APAF1: variants seen among roughly 807,000 people sequenced by gnomAD.
APAF1 encodes apoptotic protease-activating factor 1.
Under a neutral mutation model 152.4 loss-of-function variants are expected in APAF1, and 91 were observed. That is an observed-to-expected ratio of 0.60 (90% CI 0.50 to 0.71). The LOEUF (loss-of-function observed/expected upper bound fraction) is 0.71. APAF1 is among the 30% of genes least tolerant of loss of function. The pLI, the probability that APAF1 is intolerant of heterozygous loss-of-function variation, is 0.00. For missense variants in APAF1, 1,283 were observed against 1,472.0 expected, an observed-to-expected ratio of 0.87 and a Z score of 2.10; for synonymous variants, 484 against 494.1, an observed-to-expected ratio of 0.98 and a Z score of 0.27.
At position 98,723,332 on chromosome 12, in the gene APAF1, T is replaced by G. The variant is rs1385473000; in HGVS notation, c.3204+20T>G. ...GTGAAGGTAATTTAAAGTATAAATTTGTTTTTTGAAAAAGTATTCTCATAT... is the reference window on the plus strand; with the variant it reads ...GTGAAGGTAATTTAAAGTATAAATTGGTTTTTTGAAAAAGTATTCTCATAT... On this transcript the variant is annotated intron_variant, in intron 23 of 26. Transcript: ENST00000551964. The G allele has an allele frequency of 6.2e-7, 1 of 1,611,138 alleles. No individual in the cohort carries two copies.
rs1014850855 is a variant in APAF1 at position 98,665,617 on chromosome 12, C to T, written c.1020C>T (p.Tyr340=). Residue 340 remains tyrosine, a synonymous_variant, in exon 8 of 27, where the codon TAC becomes TAT. Coordinates refer to ENST00000551964, the MANE Select transcript of APAF1 (RefSeq NM_181861.2). ...LLRDFPNRWE[Y]YLKQLQNKQF... is the part of the protein sequence containing the mutation. ...GTGATTTTCCCAATCGCTGGGAGTACTACCTCAAACAGCTTCAGAATAAGC... is the reference window on the plus strand; with the variant it reads ...GTGATTTTCCCAATCGCTGGGAGTATTACCTCAAACAGCTTCAGAATAAGC... 4.3e-6 allele frequency: 7 copies of T among 1,613,628 alleles called. No homozygotes were observed. In the African/African-American group the frequency reaches 9.4e-5, roughly 22 times the overall value.
At chr12:98,729,948 T>C (rs2097757927) in intron 26 of APAF1, among the ~76,000 whole-genome samples, 1 of 152,182 alleles carries the variant, frequency 6.6e-6, no homozygotes, top group Non-Finnish European at 1.5e-5. Context: ...AGTTAACAAT[T>C]TATTGTATAT....
At chr12:98,654,816 C>CTTTTTTTTTTTTTTT (rs758991431) in intron 4 of APAF1, among the ~76,000 whole-genome samples, 2 of 116,798 alleles carry the variant, frequency 1.7e-5, no homozygotes, top group Admixed American at 9.0e-5. Context: ...GTAGTATTTT[C>CTTTTTTTTTTTTTTT]TTTTTTTTTT....
rs1346621120 is a variant in APAF1, at chr12:98,653,691, AATATATATATATATATATAT to A, written c.526+4021_526+4040del. ...AAAAAAAAAAAAAAAAAAAAAAAAA[AATATATATATATATATATAT>A]ATATATATATATAGTTTTTAACTAT... On this transcript the variant is annotated intron_variant, in intron 4 of 26. Coordinates refer to ENST00000551964, the MANE Select transcript of APAF1 (RefSeq NM_181861.2). Among the ~76,000 whole-genome samples the A allele has an allele frequency of 6.0e-4, 9 of 15,102 alleles. 1 individual carries two copies. The East Asian group carries it at 7.9e-3, about 13-fold the overall frequency. 9.9% of individuals were successfully genotyped at this position (15,102 alleles called of 152,430 possible).
Position 98,732,608 on chromosome 12 carries a change from A to G in APAF1, c.*42A>G. 7.2e-7 allele frequency: 1 copy of G among 1,383,666 alleles called. No individual in the cohort carries two copies. Among genetic ancestry groups the G allele is most frequent in the African/African-American group, 1.5e-5 (1 of 68,888 alleles). The allele number at this position is 1,383,666 out of a possible 1,614,324, so 85.7% of individuals were successfully genotyped here. On this transcript the variant is annotated 3_prime_UTR_variant, in exon 27 of 27. Transcript: ENST00000551964. ...TGTAGTTGAACTTTTTAAATTTTTG[A>G]ATTGGAAAAAAATTCTAATGAAACC...
At chr12:98,696,181 C>G (rs943942476) in intron 16 of APAF1, among the ~76,000 whole-genome samples, 4 of 152,070 alleles carry the variant, frequency 2.6e-5, no homozygotes, top group African/African-American at 9.7e-5. Context: ...GTTTACTTGG[C>G]TCATGATTCT....
At chr12:98,701,950 TA>T (rs1565883674) in intron 17 of APAF1, among the ~76,000 whole-genome samples, 1 of 152,236 alleles carries the variant, frequency 6.6e-6, no homozygotes, top group African/African-American at 2.4e-5. Context: ...ACTAATTTTT[TA>T]AAAAATGACC....
intron 17 of APAF1, among the ~76,000 whole-genome samples, 173 bp downstream of exon 17, chr12:98,699,742 C>T (rs2097713365): frequency 6.6e-6 from 1 of 152,136 alleles, no homozygotes; most frequent in Admixed American, 6.5e-5. Flanking sequence ...ATAAGGATGG[C>T]CTTGTAAGGA....
chr12:98,667,392 A>G, intron 9 of APAF1, 121 bp from the exon 10 acceptor site: 6 of 1,198,110 alleles, frequency 5.0e-6, no homozygotes, highest in South Asian at 1.2e-5. Context: ...CTGGGATTAC[A>G]GGCGTGAGCC....
In APAF1 at chr12:98,699,549, G is replaced by T. The variant is rs770359398; in HGVS notation, c.2446G>T (p.Ala816Ser). The T allele has an allele frequency of 6.2e-7, 1 of 1,613,992 alleles. No homozygotes were observed. The highest frequency in any genetic ancestry group is 2.2e-5 in the East Asian group (1 of 44,880). The change falls in exon 17 of 27, where the codon GCA (alanine) becomes TCA (serine). Residue 816 changes from alanine (A) to serine (S), a missense_variant. Physicochemically the swap from Ala to Ser is moderately conservative, Grantham distance 99. Transcript: ENST00000551964. ...WSADGARIMV[A>S]AKNKIFLFDI... is the part of the protein sequence containing the mutation. ...TGCTGATGGTGCAAGGATAATGGTG[G>T]CAGCAAAAAATAAAATCTTTGTAAG... is the stretch of plus-strand genomic sequence containing the variant.
chr12:98,648,945 A>G (rs889245235), intron 3 of APAF1, 130 bp downstream of exon 3: 20 of 937,028 alleles, frequency 2.1e-5, no homozygotes, highest in African/African-American at 1.5e-4. Context: ...AATTGTAGTG[A>G]TGTTTTCAAT....
intron 12 of APAF1, among the ~76,000 whole-genome samples, chr12:98,676,461 G>A (rs981910833): frequency 7.2e-5 from 11 of 151,946 alleles, no homozygotes; most frequent in Non-Finnish European, 1.0e-4. Flanking sequence ...TGCCCGCCTC[G>A]TCCTCCCAAA....
Position 98,725,655 on chromosome 12 carries a change from G to C in APAF1, c.3456+115G>C, listed in dbSNP as rs1040554675. 4.3e-6 allele frequency: 6 copies of C among 1,401,908 alleles called. No individual in the cohort carries two copies. In the African/African-American group the frequency reaches 5.7e-5, roughly 13 times the overall value. 86.8% of individuals were successfully genotyped at this position (1,401,908 alleles called of 1,614,324 possible). A position where few individuals can be genotyped will look rare whatever the true frequency, so the allele number is the denominator to read the frequency against. On this transcript the variant is annotated intron_variant, in intron 25 of 26. Coordinates refer to ENST00000551964, the MANE Select transcript of APAF1 (RefSeq NM_181861.2). ...AAGCATAGTCCTGAAGTTGTGGTTG[G>C]ATGAGGCATTCTTTTTGTTTCTTGT...
At chr12:98,702,912 A>G (rs2097717172) in intron 17 of APAF1, among the ~76,000 whole-genome samples, 1 of 152,198 alleles carries the variant, frequency 6.6e-6, no homozygotes, top group African/African-American at 2.4e-5. Flanking sequence ...AAAACAGGAA[A>G]ATGATTGACT....
intron 9 of APAF1, among the ~76,000 whole-genome samples, 177 bp from the exon 10 acceptor site, chr12:98,667,336 G>A (rs546653356): frequency 3.3e-4 from 50 of 151,524 alleles, no homozygotes; most frequent in African/African-American, 1.2e-3. Flanking sequence ...GGCTAGTCTC[G>A]AAGTCCTGGC....
Position 98,735,221 on chromosome 12 carries a change from A to T in APAF1, c.*2655A>T. ...TTGTAGTTTGCAGATGAGCATTTCT[A>T]AAGCATTTTCCCTTGCTGTATTTTT... On this transcript the variant is annotated 3_prime_UTR_variant, in exon 27 of 27. Coordinates refer to ENST00000551964, the MANE Select transcript of APAF1 (RefSeq NM_181861.2). 2.5e-6 allele frequency: 1 copy of T among 399,112 alleles called. No homozygotes were observed. Among genetic ancestry groups the T allele is most frequent in the Non-Finnish European group, 4.4e-6 (1 of 226,414 alleles). 24.7% of individuals were successfully genotyped at this position (399,112 alleles called of 1,614,324 possible).
chr12:98,683,175 C>T lies in APAF1; in HGVS notation c.2079C>T (p.His693=). The T allele has an allele frequency of 1.2e-6, 2 of 1,613,374 alleles. No homozygotes were observed. The highest frequency in any genetic ancestry group is 1.7e-6 in the Non-Finnish European group (2 of 1,179,442). ...ATTCTATGACTGGGGAACTAGTACA[C>T]ACCTATGATGAGCACTCAGAGCAAG... ...IWNSMTGELV[H]TYDEHSEQVN... The change falls in exon 15 of 27, where the codon CAC becomes CAT. Residue 693 remains histidine (H), a synonymous_variant. Transcript: ENST00000551964.
chr12:98,685,429 G>A (rs11109571), intron 15 of APAF1, among the ~76,000 whole-genome samples: 3,884 of 150,644 alleles, frequency 0.026, 159 homozygotes, highest in African/African-American at 0.087. Context: ...TCTGCCTCCC[G>A]GGTTCAAGCG....
chr12:98,702,247 A>G (rs1008776656), intron 17 of APAF1, among the ~76,000 whole-genome samples: 7 of 151,800 alleles, frequency 4.6e-5, no homozygotes, highest in African/African-American at 1.7e-4. Context: ...TTGTATTTTT[A>G]GTGGAGACGG....
Sources: gnomAD v4.1 joint callset for allele counts (sites outside exome capture counted in the v4.1 genomes callset) on GRCh38, gnomAD v4.1.1 for gene constraint, MANE v1.5 for transcripts, NCBI Gene and HGNC (gene_info 2026-07-23, HGNC 2026-07-21) for gene names.